The following NAALADL2 variants were observed in gnomAD, a reference collection of about 807,000 sequenced individuals.
NAALADL2 encodes the protein inactive N-acetylated-alpha-linked acidic dipeptidase-like protein 2.
In NAALADL2, 76 loss-of-function variants were observed where a neutral mutation model predicts 87.2. The observed-to-expected ratio is 0.87, with a 90% confidence interval of 0.72 to 1.05. NAALADL2 has a LOEUF of 1.05. Ranked by LOEUF, NAALADL2 falls within the 50% of genes least tolerant of loss-of-function variation. The probability of loss-of-function intolerance (pLI) is 0.00; values close to 1 mark genes in which losing one functional copy is unlikely to be tolerated. For synonymous variants in NAALADL2, 354 were observed against 331.0 expected (o/e 1.07, Z -0.75); for missense variants, 1,089 against 945.8 (o/e 1.15, Z -1.99).
intron 2 of NAALADL2, among the ~76,000 whole-genome samples, chr3:175,139,917 T>C (rs1210031819): frequency 6.6e-6 from 1 of 152,116 alleles, no homozygotes; most frequent in Admixed American, 6.6e-5. Flanking sequence ...CTAATATTTA[T>C]ATAGCGCTAA....
chr3:175,045,070 A>C (rs1458749221), intron 1 of NAALADL2, among the ~76,000 whole-genome samples: 1 of 152,102 alleles, frequency 6.6e-6, no homozygotes, highest in South Asian at 2.1e-4. Context: ...CTGTTTTCTA[A>C]CATAAAATTT....
intron 2 of NAALADL2, among the ~76,000 whole-genome samples, chr3:174,639,410 T>C (rs1448638241): frequency 6.6e-6 from 1 of 152,188 alleles, no homozygotes. Flanking sequence ...GACCTCACTG[T>C]GGGTCTTTGC....
intron 1 of NAALADL2, among the ~76,000 whole-genome samples, chr3:174,962,487 A>T (rs184851909): frequency 7.0e-6 from 1 of 143,736 alleles, no homozygotes; most frequent in East Asian, 2.0e-4. Flanking sequence ...GCTCTTGTGT[A>T]TAATTTCAAA....
intron 3 of NAALADL2, among the ~76,000 whole-genome samples, chr3:174,816,292 G>C (rs13094559): frequency 0.17 from 26,023 of 150,468 alleles, 2,508 homozygotes; most frequent in East Asian, 0.33. Flanking sequence ...AGAACAGATA[G>C]TCTATATAGT....
At chr3:174,758,094 G>A (rs774710199) in intron 3 of NAALADL2, among the ~76,000 whole-genome samples, 4 of 152,166 alleles carry the variant, frequency 2.6e-5, no homozygotes, top group Non-Finnish European at 4.4e-5. Flanking sequence ...CAGGTCATGA[G>A]TGCCAATCAT....
rs554993509 is a variant in NAALADL2, at chr3:175,319,308, T to C, written c.940-4867T>C. On this transcript the variant is annotated intron_variant, in intron 4 of 13. Transcript: ENST00000454872. The stretch of plus-strand genomic sequence containing the variant: ...TTTACTTAGGTTCTCAATGTTAGTT[T>C]ATTTAATCATAAAAATAATACATGC... 2.6e-5 allele frequency among the ~76,000 whole-genome samples: 4 copies of C among 152,320 alleles called. No individual in the cohort carries two copies. The East Asian group carries it at 5.8e-4, about 22-fold the overall frequency.
At chr3:175,570,353 T>G (rs750703375) in intron 9 of NAALADL2, among the ~76,000 whole-genome samples, 3 of 152,162 alleles carry the variant, frequency 2.0e-5, no homozygotes, top group Non-Finnish European at 4.4e-5. Flanking sequence ...AACACTCTCA[T>G]AGACATACTC....
intron 2 of NAALADL2, among the ~76,000 whole-genome samples, chr3:174,709,182 T>G (rs1435251993): frequency 1.3e-5 from 2 of 152,058 alleles, no homozygotes; most frequent in African/African-American, 2.4e-5. Flanking sequence ...ATTAGTAGAA[T>G]AGAAATACAG....
intron 11 of NAALADL2, among the ~76,000 whole-genome samples, chr3:175,639,661 TG>T (rs1308754393): frequency 1.3e-5 from 2 of 152,150 alleles, no homozygotes; most frequent in Non-Finnish European, 2.9e-5. Context: ...AACACTTTTG[TG>T]GTTGATACAC....
chr3:174,855,978 GTGTATA>G (rs1278859837), upstream of NAALADL2, among the ~76,000 whole-genome samples: 237 of 83,278 alleles, frequency 2.8e-3, no homozygotes, highest in African/African-American at 0.013. Context: ...GTGTGTGTGT[GTGTATA>G]TATATATATA....
intron 1 of NAALADL2, among the ~76,000 whole-genome samples, chr3:174,524,735 A>G (rs754831818): frequency 3.3e-5 from 5 of 151,816 alleles, no homozygotes; most frequent in Non-Finnish European, 7.4e-5. Flanking sequence ...AAAAAAGAAG[A>G]AAACATTTGT....
chr3:175,084,801 T>C (rs78334199), intron 1 of NAALADL2, among the ~76,000 whole-genome samples: 3,099 of 152,220 alleles, frequency 0.02, 52 homozygotes, highest in Admixed American at 0.031. Context: ...AATGAAAAAG[T>C]CAATTGAGAA....
At chr3:175,274,664 C>T (rs1414299227) in intron 4 of NAALADL2, among the ~76,000 whole-genome samples, 4 of 151,974 alleles carry the variant, frequency 2.6e-5, no homozygotes, top group Non-Finnish European at 4.4e-5. Flanking sequence ...CAACCTATGA[C>T]CTTAAGAAAA....
chr3:174,854,235 G>A (rs1725598026), intron 3 of NAALADL2, among the ~76,000 whole-genome samples: 1 of 152,114 alleles, frequency 6.6e-6, no homozygotes, highest in African/African-American at 2.4e-5. Context: ...TGCAGTACAT[G>A]GATGGAACTG....
chr3:175,752,585 T>C (rs187309174), intron 12 of NAALADL2, among the ~76,000 whole-genome samples: 6 of 152,272 alleles, frequency 3.9e-5, no homozygotes, highest in Admixed American at 2.0e-4. Flanking sequence ...GAGCTACTTT[T>C]CAATTTGTAA....
Position 174,735,201 on chromosome 3 carries a change from C to A in NAALADL2, c.-114-2440C>A, listed in dbSNP as rs80206247. Among the ~76,000 whole-genome samples, 825 of 152,180 alleles carry A rather than the reference C, an allele frequency of 5.4e-3. 6 individuals are homozygous for A. The highest frequency in any genetic ancestry group is 0.017 in the African/African-American group (694 of 41,528). On this transcript the variant is annotated intron_variant, in intron 2 of 3. Transcript: ENST00000434257. Reference sequence around the variant, plus strand: ...CTGTTAATATGAAATGTAGAATAACCAATCTTGGTATTGGAAGATATAAAA... The same window carrying A: ...CTGTTAATATGAAATGTAGAATAACAAATCTTGGTATTGGAAGATATAAAA...
chr3:174,977,913 A>G (rs1417990780), intron 1 of NAALADL2, among the ~76,000 whole-genome samples: 1 of 152,218 alleles, frequency 6.6e-6, no homozygotes, highest in African/African-American at 2.4e-5. Flanking sequence ...TCACTTTTGG[A>G]ATATTATAAT....
chr3:174,690,002 T>A (rs781665080), intron 2 of NAALADL2, among the ~76,000 whole-genome samples: 36 of 152,116 alleles, frequency 2.4e-4, no homozygotes, highest in Non-Finnish European at 4.3e-4. Context: ...CTAACCTTTA[T>A]CTTCAAAGAA....
chr3:175,587,951 C>T (rs116589215), intron 10 of NAALADL2, among the ~76,000 whole-genome samples: 1,528 of 152,202 alleles, frequency 0.01, 30 homozygotes, highest in African/African-American at 0.035. Context: ...ACAACTCAAT[C>T]ACTGGAAGCC....
Sources: gnomAD v4.1 joint callset for allele counts (sites outside exome capture counted in the v4.1 genomes callset) on GRCh38, gnomAD v4.1.1 for gene constraint, MANE v1.5 for transcripts, NCBI Gene and HGNC (gene_info 2026-07-23, HGNC 2026-07-21) for gene names.